The following C2CD5 variants were observed in gnomAD, a reference collection of about 807,000 sequenced individuals.
C2CD5 encodes the protein C2 domain-containing protein 5.
A neutral mutation model predicts 130.3 loss-of-function variants in C2CD5; 109 were observed. That is an observed-to-expected ratio of 0.84 (90% confidence interval 0.72 to 0.98). The LOEUF is 0.98. Ranked by LOEUF, C2CD5 falls within the 50% of genes least tolerant of loss-of-function variation. The pLI, the probability that C2CD5 is intolerant of heterozygous loss-of-function variation, is 0.00. For missense variants in C2CD5, 996 were observed against 1,261.8 expected (o/e 0.79, Z 3.19); for synonymous variants, 454 against 429.2 (o/e 1.06, Z -0.71).
At chr12:22,526,694 GAA>G (rs1294912401) in intron 4 of C2CD5, among the ~76,000 whole-genome samples, 1 of 151,892 alleles carries the variant, frequency 6.6e-6, no homozygotes, top group Non-Finnish European at 1.5e-5. Context: ...AACACAGCGA[GAA>G]AAAAATTAAG....
chr12:22,477,018 C>T lies in C2CD5; in HGVS notation c.1902+1295G>A, dbSNP rs79748241. ...TTTTTCAAATATGAATATGTTAACA[C>T]ATCAACATTTGCATTCATTTTAAAG... On this transcript the variant is annotated intron_variant, in intron 15 of 26. Coordinates refer to ENST00000446597, the MANE Select transcript of C2CD5 (RefSeq NM_001286176.2). Among the ~76,000 whole-genome samples the T allele has an allele frequency of 9.3e-3, 1,417 of 152,154 alleles. 24 individuals carry two copies. The highest frequency in any genetic ancestry group is 0.033 in the African/African-American group (1,353 of 41,530).
At chr12:22,515,626 A>C (rs1591943061) in intron 8 of C2CD5, among the ~76,000 whole-genome samples, 1 of 152,134 alleles carries the variant, frequency 6.6e-6, no homozygotes, top group East Asian at 1.9e-4. Flanking sequence ...ACTTTAATTG[A>C]ATATCCATAA....
intron 22 of C2CD5, among the ~76,000 whole-genome samples, chr12:22,468,407 G>A (rs1331746972): frequency 6.6e-6 from 1 of 151,954 alleles, no homozygotes; most frequent in Non-Finnish European, 1.5e-5. Flanking sequence ...TTGTAGAGCT[G>A]GGGTCTCACT....
chr12:22,523,942 T>C (rs974010181), intron 6 of C2CD5, among the ~76,000 whole-genome samples: 1 of 152,048 alleles, frequency 6.6e-6, no homozygotes, highest in Non-Finnish European at 1.5e-5. Context: ...TTCACACATA[T>C]ACACATATAA....
chr12:22,475,572 C>T (rs536329987), intron 15 of C2CD5, among the ~76,000 whole-genome samples: 5 of 152,114 alleles, frequency 3.3e-5, no homozygotes, highest in Middle Eastern at 3.4e-3. Flanking sequence ...AATATGAATA[C>T]GTGAACGCAA....
intron 22 of C2CD5, among the ~76,000 whole-genome samples, chr12:22,463,081 C>T (rs1941461673): frequency 6.6e-6 from 1 of 150,632 alleles, no homozygotes; most frequent in African/African-American, 2.4e-5. Flanking sequence ...AAGACCCTGT[C>T]TCAAAGAGAG....
Position 22,535,291 on chromosome 12 carries a change from G to A in C2CD5, c.144C>T (p.Asn48=), listed in dbSNP as rs1951715496. 1.2e-6 allele frequency: 2 copies of A among 1,607,334 alleles called. No individual in the cohort carries two copies. The highest frequency in any genetic ancestry group is 1.3e-5 in the African/African-American group (1 of 74,690). Residue 48 remains asparagine, a synonymous_variant, in exon 3 of 27, where the codon AAC becomes AAT. Coordinates refer to ENST00000446597, the MANE Select transcript of C2CD5 (RefSeq NM_001286176.2). ...TAAACCACTCCGAGTTCCACTGAGG[G>A]TTGAGTGACTTAAGGTACACATCTG... The part of the protein sequence containing the change: ...FKTDVYLKSL[N]PQWNSEWFKF...
chr12:22,493,495 T>A (rs114935030), intron 10 of C2CD5, among the ~76,000 whole-genome samples, 158 bp from the exon 11 acceptor site: 1 of 152,146 alleles, frequency 6.6e-6, no homozygotes, highest in African/African-American at 2.4e-5. Context: ...TCAAAAGGCA[T>A]AAGATTTAAC....
At chr12:22,464,250 T>C (rs919254335) in intron 22 of C2CD5, among the ~76,000 whole-genome samples, 1 of 152,324 alleles carries the variant, frequency 6.6e-6, no homozygotes, top group Non-Finnish European at 1.5e-5. Context: ...TTAACTTCCC[T>C]ATTTGGGTCA....
At chr12:22,501,304 G>A (rs577342861) in intron 10 of C2CD5, among the ~76,000 whole-genome samples, 3 of 152,076 alleles carry the variant, frequency 2.0e-5, no homozygotes, top group African/African-American at 4.8e-5. Flanking sequence ...TTGCCAAACC[G>A]TAATTCTGCT....
At chr12:22,486,304 C>T (rs1342885051) in intron 12 of C2CD5, among the ~76,000 whole-genome samples, 1 of 152,056 alleles carries the variant, frequency 6.6e-6, no homozygotes, top group African/African-American at 2.4e-5. Flanking sequence ...GCTCTCGTAT[C>T]GTTGGTTCCT....
chr12:22,506,684 A>G (rs749736600), intron 10 of C2CD5, 27 bp downstream of exon 10: 1 of 1,220,000 alleles, frequency 8.2e-7, no homozygotes, highest in East Asian at 2.3e-5. Context: ...TAAATAAAGG[A>G]AACATTGAAA....
intron 19 of C2CD5, 43 bp from the exon 20 acceptor site, chr12:22,471,531 A>C (rs757356699): frequency 1.7e-6 from 2 of 1,167,796 alleles, no homozygotes; most frequent in Admixed American, 2.3e-5. Context: ...TTTTATTTAA[A>C]AATTTTTAAA....
chr12:22,500,247 G>C (rs561273694), intron 10 of C2CD5, among the ~76,000 whole-genome samples: 1 of 148,102 alleles, frequency 6.8e-6, no homozygotes, highest in South Asian at 2.1e-4. Context: ...GAGAAAAGGA[G>C]ACAGAAAAAA....
chr12:22,530,087 TATATATATATATATATATATATATACAC>T (rs1951087879), intron 3 of C2CD5, among the ~76,000 whole-genome samples: 1 of 104,572 alleles, frequency 9.6e-6, no homozygotes, highest in South Asian at 3.1e-4. Flanking sequence ...TATATATATA[TATATATATATATATATATATATATACAC>T]ACACACACAC....
At chr12:22,508,711 G>A (rs1170858056) in intron 9 of C2CD5, among the ~76,000 whole-genome samples, 4 of 152,046 alleles carry the variant, frequency 2.6e-5, no homozygotes, top group African/African-American at 7.2e-5. Flanking sequence ...AATGAGAAAC[G>A]TATAGGTAAG....
At chr12:22,501,474 A>C (rs561919998) in intron 10 of C2CD5, among the ~76,000 whole-genome samples, 49 of 152,212 alleles carry the variant, frequency 3.2e-4, no homozygotes, top group African/African-American at 1.1e-3. Context: ...TATGCTCTCA[A>C]TGTCCTTTTT....
At chr12:22,515,378 C>G (rs1949615501) in intron 8 of C2CD5, among the ~76,000 whole-genome samples, 1 of 152,108 alleles carries the variant, frequency 6.6e-6, no homozygotes, top group Non-Finnish European at 1.5e-5. Context: ...ACTTCACATT[C>G]ATTAAAATTT....
intron 11 of C2CD5, 33 bp downstream of exon 11, chr12:22,493,190 T>C (rs373096385): frequency 7.4e-6 from 9 of 1,212,724 alleles, no homozygotes; most frequent in Non-Finnish European, 1.1e-5. Flanking sequence ...TCTAAATTAG[T>C]GTCTGGAAAA....
Sources: allele counts gnomAD v4.1 joint callset (sites outside exome capture counted in the v4.1 genomes callset), GRCh38; gene constraint gnomAD v4.1.1; transcripts MANE v1.5; gene names NCBI Gene and HGNC (gene_info 2026-07-23, HGNC 2026-07-21).